The following MGAM variants were observed in gnomAD, a reference collection of about 807,000 sequenced individuals.
MGAM encodes the protein maltase-glucoamylase, also known as alpha-1,4-glucosidase.
In MGAM, 253 loss-of-function variants were observed where a neutral mutation model predicts 358.8. That is an observed-to-expected ratio of 0.71 (90% confidence interval 0.64 to 0.78). MGAM has a LOEUF of 0.78. MGAM is among the 30% of genes least tolerant of loss of function. The pLI, the probability that MGAM is intolerant of heterozygous loss-of-function variation, is 0.00. For synonymous variants in MGAM, 1,105 were observed against 1,227.1 expected (o/e 0.90, Z 2.08); for missense variants, 3,080 against 3,432.6 (o/e 0.90, Z 2.57).
chr7:142,008,390 A>T, intron 2 of MGAM, 116 bp from the exon 3 acceptor site: 2 of 1,068,794 alleles, frequency 1.9e-6, no homozygotes, highest in Non-Finnish European at 2.7e-6. Flanking sequence ...ATAAATTTTG[A>T]GGTCATCAGA....
In MGAM at chr7:142,095,558, C is replaced by T. The variant is rs749589695; in HGVS notation, c.7459-7C>T. The T allele has an allele frequency of 7.4e-6, 12 of 1,612,932 alleles. No individual in the cohort carries two copies. The Admixed American group carries it at 8.3e-5, about 11-fold the overall frequency. On this transcript the variant is annotated splice_polypyrimidine_tract_variant and splice_region_variant and intron_variant, in intron 63 of 70. Transcript: ENST00000475668. Reference sequence around the variant, plus strand: ...AAGCTCCCAACACTGTTCTCTTTCTCCTTTAGAGACAAGACCCTGTGTCCT... The same window carrying T: ...AAGCTCCCAACACTGTTCTCTTTCTTCTTTAGAGACAAGACCCTGTGTCCT...
chr7:142,098,692 A>G (rs1816167937), intron 66 of MGAM, among the ~76,000 whole-genome samples: 1 of 152,134 alleles, frequency 6.6e-6, no homozygotes, highest in Admixed American at 6.5e-5. Flanking sequence ...GGCGTTTCCC[A>G]GGAAGAGGTG....
intron 21 of MGAM, among the ~76,000 whole-genome samples, chr7:142,044,115 A>G (rs1809575184): frequency 6.9e-6 from 1 of 145,056 alleles, no homozygotes; most frequent in South Asian, 2.1e-4. Flanking sequence ...TACATTATAT[A>G]CACATACGAC....
chr7:142,055,011 A>G, intron 27 of MGAM, 103 bp downstream of exon 27: 1 of 1,236,506 alleles, frequency 8.1e-7, no homozygotes, highest in Non-Finnish European at 1.1e-6. Flanking sequence ...CACATTGTCC[A>G]CTTCCAGATC....
In MGAM at chr7:142,094,391, A is replaced by T; in HGVS notation, c.7200A>T (p.Arg2400=). The T allele has an allele frequency of 6.5e-7, 1 of 1,530,510 alleles. No individual in the cohort carries two copies. The highest frequency in any genetic ancestry group is 8.9e-7 in the Non-Finnish European group (1 of 1,119,962). 94.8% of individuals were successfully genotyped at this position (1,530,510 alleles called of 1,614,324 possible). ...CCGTGCAGGAGGTGACAGGACAGCG[A>T]GGGGTCGTCATCACCCGCTCCACAT... ...YEAVQEVTGQ[R]GVVITRSTFP... is the part of the protein sequence containing the mutation. The change falls in exon 61 of 71, where the codon CGA becomes CGT. Residue 2400 remains arginine, a synonymous_variant. Transcript: ENST00000475668.
At position 142,092,081 on chromosome 7, in the gene MGAM, A is replaced by T. The variant is rs13310650; in HGVS notation, c.6945+34A>T. 2.9e-4 allele frequency: 451 copies of T among 1,542,936 alleles called. 18 individuals are homozygous for T. The African/African-American group carries it at 5.2e-3, about 18-fold the overall frequency. On this transcript the variant is annotated intron_variant, in intron 58 of 70. Coordinates refer to ENST00000475668, the MANE Select transcript of MGAM (RefSeq NM_001365693.1). ...GTGTGTGTCTCTGTGTACCAGTGAC[A>T]CTTGTCTATCTTTGTGTGCCTACGT...
At chr7:141,994,036 C>T (rs778356949), upstream of MGAM, among the ~76,000 whole-genome samples, 21 of 152,068 alleles carry the variant, frequency 1.4e-4, no homozygotes, top group Non-Finnish European at 2.8e-4. Flanking sequence ...CCGCCATGCC[C>T]GGCTAATTTT....
In MGAM at chr7:142,061,261, A is replaced by T. The variant is rs561151244; in HGVS notation, c.4122+888A>T. ...CCCGTATGGGATAGAATTCTGACTC[A>T]GCTGTGGCTGATAATCTCTTTATTC... On this transcript the variant is annotated intron_variant, in intron 34 of 70. Coordinates refer to ENST00000475668, the MANE Select transcript of MGAM (RefSeq NM_001365693.1). Among the ~76,000 whole-genome samples, 115 of 152,254 alleles carry T rather than the reference A, an allele frequency of 7.6e-4. 2 individuals carry two copies. In the South Asian group the frequency reaches 0.016, roughly 21 times the overall value.
At position 142,088,767 on chromosome 7, in the gene MGAM, A is replaced by G. The variant is rs529302069; in HGVS notation, c.6810+2050A>G. On this transcript the variant is annotated intron_variant, in intron 57 of 70. Coordinates refer to ENST00000475668, the MANE Select transcript of MGAM (RefSeq NM_001365693.1). ...TGTCTGTCTATCTATCTATCTATCT[A>G]TCTATCTATCTATCTATCTATCTAT... Among the ~76,000 whole-genome samples, 426 of 124,052 alleles carry G rather than the reference A, an allele frequency of 3.4e-3. 6 individuals carry two copies. Among genetic ancestry groups the G allele is most frequent in the African/African-American group, 0.011 (396 of 34,640 alleles). 81.4% of individuals were successfully genotyped at this position (124,052 alleles called of 152,430 possible). A position where few individuals can be genotyped will look rare whatever the true frequency, so the allele number is the denominator to read the frequency against.
intron 45 of MGAM, among the ~76,000 whole-genome samples, chr7:142,075,238 T>C (rs183815679): frequency 6.8e-6 from 1 of 146,660 alleles, no homozygotes; most frequent in Admixed American, 6.9e-5. Context: ...TCTTTATCTA[T>C]TCATCCACTG....
chr7:142,022,901 A>AT lies in MGAM; in HGVS notation c.882+468dup, dbSNP rs572249721. On this transcript the variant is annotated intron_variant, in intron 7 of 70. Transcript: ENST00000475668. ...GGATAAAGTCTCAGCTAAAACAATC[A>AT]TTTTTTGTATAAAGAATGATTGTGG... Among the ~76,000 whole-genome samples the AT allele has an allele frequency of 3.7e-4, 56 of 152,298 alleles. No homozygotes were observed. In the South Asian group the frequency reaches 0.011, roughly 31 times the overall value.
At position 142,090,685 on chromosome 7, in the gene MGAM, G is replaced by A. The variant is rs534108807; in HGVS notation, c.6811-1228G>A. 1.0e-4 allele frequency among the ~76,000 whole-genome samples: 15 copies of A among 145,768 alleles called. 1 individual carries two copies. The East Asian group carries it at 1.6e-3, about 16-fold the overall frequency. On this transcript the variant is annotated intron_variant, in intron 57 of 70. Coordinates refer to ENST00000475668, the MANE Select transcript of MGAM (RefSeq NM_001365693.1). The stretch of plus-strand genomic sequence containing the variant: ...CAAGTCCTCATTCTGTTGCCTCCCC[G>A]AACCTCCTCACCAGCATTCTTTAGC...
chr7:142,055,957 A>T, intron 28 of MGAM, 43 bp from the exon 29 acceptor site: 1 of 1,559,278 alleles, frequency 6.4e-7, no homozygotes. Context: ...TCTCAGGCAT[A>T]ATGTCTTTTA....
chr7:142,088,600 ATC>A (rs1814986447), intron 57 of MGAM, among the ~76,000 whole-genome samples: 1 of 143,274 alleles, frequency 7.0e-6, no homozygotes, highest in Non-Finnish European at 1.6e-5. Flanking sequence ...ATCTATATCT[ATC>A]TATCTATCTA....
At chr7:142,050,339 A>G in intron 23 of MGAM, 55 bp downstream of exon 23, 2 of 1,555,054 alleles carry the variant, frequency 1.3e-6, no homozygotes, top group Non-Finnish European at 1.8e-6. Flanking sequence ...GACCATTAGC[A>G]CATCTGTGCT....
chr7:142,053,079 C>T, intron 26 of MGAM, 95 bp downstream of exon 26: 4 of 1,303,180 alleles, frequency 3.1e-6, no homozygotes. Flanking sequence ...ATAAGTTAAT[C>T]ATGCTACAAC....
Position 142,069,145 on chromosome 7 carries a change from C to T in MGAM, c.5061+442C>T, listed in dbSNP as rs569076761. Among the ~76,000 whole-genome samples the T allele has an allele frequency of 1.1e-4, 16 of 146,248 alleles. 1 individual carries two copies. The highest frequency in any genetic ancestry group is 3.9e-4 in the African/African-American group (16 of 41,194). On this transcript the variant is annotated intron_variant, in intron 43 of 70. Transcript: ENST00000475668. ...TTTGATTAAATACCTCCTTCCATAGCATAGATGCTCAAAGAGGGGCGCTGC... is the reference window on the plus strand; with the variant it reads ...TTTGATTAAATACCTCCTTCCATAGTATAGATGCTCAAAGAGGGGCGCTGC...
chr7:141,996,876 A>G (rs1804277307), intron 1 of MGAM, among the ~76,000 whole-genome samples: 1 of 152,090 alleles, frequency 6.6e-6, no homozygotes, highest in Admixed American at 6.6e-5. Context: ...AGAGAAAGGT[A>G]GGGTATCTGT....
chr7:142,023,471 G>T (rs10276588), intron 7 of MGAM, among the ~76,000 whole-genome samples: 4,161 of 151,970 alleles, frequency 0.027, 143 homozygotes, highest in African/African-American at 0.076. Flanking sequence ...ATACATGTTT[G>T]TGTATATATA....
Sources: gnomAD v4.1 joint callset for allele counts (sites outside exome capture counted in the v4.1 genomes callset) on GRCh38, gnomAD v4.1.1 for gene constraint, MANE v1.5 for transcripts, NCBI Gene and HGNC (gene_info 2026-07-23, HGNC 2026-07-21) for gene names.